Variants in HACE1 observed in about 807,000 individuals in gnomAD.
The protein encoded by HACE1 is E3 ubiquitin-protein ligase HACE1.
Under a neutral mutation model 118.4 loss-of-function variants are expected in HACE1, and 73 were observed. The ratio of observed to expected loss-of-function variants is 0.62; its 90% confidence interval spans 0.51 to 0.75. HACE1 has a LOEUF of 0.75. Among genes scored for constraint, HACE1 ranks in the 30% least tolerant of loss-of-function variants. The pLI, the probability that HACE1 is intolerant of heterozygous loss-of-function variation, is 0.00. For synonymous variants in HACE1, 368 were observed against 374.8 expected, an observed-to-expected ratio of 0.98 and a Z score of 0.21; for missense variants, 749 against 1,102.2, an observed-to-expected ratio of 0.68 and a Z score of 4.54.
chr6:104,791,418 T>G, intron 11 of HACE1, 86 bp downstream of exon 11: 123 of 1,224,888 alleles, frequency 1.0e-4, no homozygotes, highest in Non-Finnish European at 1.3e-4. Context: ...AACCTGTTCA[T>G]GAGCTTTCTG....
intron 10 of HACE1, among the ~76,000 whole-genome samples, chr6:104,794,705 A>T (rs751534476): frequency 6.6e-6 from 1 of 152,196 alleles, no homozygotes; most frequent in Non-Finnish European, 1.5e-5. Context: ...GGAGTTCAAG[A>T]CCAGCCTGGG....
intron 16 of HACE1, 88 bp downstream of exon 16, chr6:104,776,921 CCTTT>C (rs1331697219): frequency 9.4e-6 from 12 of 1,273,594 alleles, no homozygotes; most frequent in Admixed American, 6.9e-5. Flanking sequence ...AAAGTTTCTT[CCTTT>C]ATCAACTAAA....
intron 14 of HACE1, among the ~76,000 whole-genome samples, chr6:104,779,009 C>G (rs973057722): frequency 2.0e-5 from 3 of 152,048 alleles, no homozygotes; most frequent in Non-Finnish European, 4.4e-5. Context: ...AGATACTGGA[C>G]AGTGATGCAG....
rs1409145637 is a variant in HACE1 at position 104,728,375 on chromosome 6, A to C, written c.*1287T>G. The C allele has an allele frequency of 6.6e-6, 1 of 152,190 alleles. No homozygotes were observed. Among genetic ancestry groups the C allele is most frequent in the Non-Finnish European group, 1.5e-5 (1 of 68,014 alleles). 9.4% of individuals were successfully genotyped at this position (152,190 alleles called of 1,614,324 possible). ...ATTTTAGAGCTAATGGTAACTTTTA[A>C]ATAATTCCTAAATTTCATGTAATCT... On this transcript the variant is annotated 3_prime_UTR_variant, in exon 24 of 24. Transcript: ENST00000262903.
At chr6:104,858,588 C>A in intron 1 of HACE1, 1 of 286,116 alleles carries the variant, frequency 3.5e-6, no homozygotes, top group South Asian at 3.0e-5. Flanking sequence ...ACATTTCTTT[C>A]ATGACCGTCT....
Position 104,849,240 on chromosome 6 carries a change from T to A in HACE1, c.228A>T (p.Gly76=). The change falls in exon 4 of 24, where the codon GGA becomes GGT. Residue 76 remains glycine (G), a synonymous_variant. Transcript: ENST00000262903. ...RSLLHIAANC[G]SVECLVLLLK... is the part of the protein sequence containing the mutation. ...ACAGCAAAACCAAGCATTCCACCGA[T>A]CCACAACTAAAACAATATTAAAAGA... The A allele has an allele frequency of 6.3e-7, 1 of 1,576,590 alleles. No individual in the cohort carries two copies. Among genetic ancestry groups the A allele is most frequent in the Non-Finnish European group, 8.7e-7 (1 of 1,145,896 alleles).
At chr6:104,783,212 T>C (rs1781928556) in intron 14 of HACE1, among the ~76,000 whole-genome samples, 1 of 152,190 alleles carries the variant, frequency 6.6e-6, no homozygotes, top group Non-Finnish European at 1.5e-5. Context: ...TTTCAAGCTT[T>C]CTCAAGGTAA....
At chr6:104,822,523 G>A (rs1470108150) in intron 6 of HACE1, among the ~76,000 whole-genome samples, 10 of 151,632 alleles carry the variant, frequency 6.6e-5, no homozygotes, top group South Asian at 2.1e-4. Context: ...ACTACGCTCC[G>A]GCCGGTTCAA....
intron 22 of HACE1, among the ~76,000 whole-genome samples, chr6:104,741,372 C>A (rs2114482866): frequency 6.6e-6 from 1 of 151,038 alleles, no homozygotes; most frequent in South Asian, 2.1e-4. Flanking sequence ...GTCAAATTGT[C>A]CCTGTTTGCA....
Position 104,791,495 on chromosome 6 carries a change from T to C in HACE1, c.1074+9A>G, listed in dbSNP as rs778503101. On this transcript the variant is annotated intron_variant, in intron 11 of 23. Coordinates refer to ENST00000262903, the MANE Select transcript of HACE1 (RefSeq NM_020771.4). ...CTATCTTCCTAACAATGCCATATAC[T>C]TTTCTCACCTTGAACACCTGGCTTC... 3.7e-6 allele frequency: 6 copies of C among 1,607,862 alleles called. No homozygotes were observed. The highest frequency in any genetic ancestry group is 3.4e-6 in the Non-Finnish European group (4 of 1,174,440).
chr6:104,737,751 AG>A (rs1776079764), intron 22 of HACE1, among the ~76,000 whole-genome samples: 1 of 151,956 alleles, frequency 6.6e-6, no homozygotes, highest in Non-Finnish European at 1.5e-5. Context: ...AGGCTGGGGG[AG>A]GGGCGCCCGC....
At chr6:104,752,785 C>A (rs1398396352) in intron 19 of HACE1, among the ~76,000 whole-genome samples, 1 of 151,234 alleles carries the variant, frequency 6.6e-6, no homozygotes, top group African/African-American at 2.4e-5. Context: ...CACACTTTTC[C>A]TTCCATTTAT....
At chr6:104,788,254 T>C (rs1251250111) in intron 11 of HACE1, among the ~76,000 whole-genome samples, 1 of 152,146 alleles carries the variant, frequency 6.6e-6, no homozygotes, top group Non-Finnish European at 1.5e-5. Context: ...AGTTAATTAC[T>C]ACTGAAAATA....
At chr6:104,833,855 C>T (rs959631786) in intron 5 of HACE1, among the ~76,000 whole-genome samples, 1 of 151,938 alleles carries the variant, frequency 6.6e-6, no homozygotes, top group Non-Finnish European at 1.5e-5. Flanking sequence ...CGTGGTGGTG[C>T]GTGCCTGTAA....
intron 6 of HACE1, among the ~76,000 whole-genome samples, chr6:104,828,687 C>A (rs987457723): frequency 6.6e-6 from 1 of 152,008 alleles, no homozygotes; most frequent in Non-Finnish European, 1.5e-5. Flanking sequence ...CCACTTCCTT[C>A]CAAGAGGAAA....
intron 17 of HACE1, 112 bp from the exon 18 acceptor site, chr6:104,772,186 A>C: frequency 4.6e-6 from 3 of 651,642 alleles, no homozygotes; most frequent in Non-Finnish European, 8.1e-6. Context: ...CTAAGGTTAC[A>C]TTATGTATAA....
At chr6:104,734,344 C>T (rs1282815922) in intron 22 of HACE1, among the ~76,000 whole-genome samples, 3 of 151,932 alleles carry the variant, frequency 2.0e-5, no homozygotes, top group Admixed American at 6.6e-5. Flanking sequence ...CTAAATTATA[C>T]TACAGACCTG....
intron 10 of HACE1, among the ~76,000 whole-genome samples, chr6:104,794,089 T>C (rs964140475): frequency 6.6e-6 from 1 of 152,204 alleles, no homozygotes; most frequent in Non-Finnish European, 1.5e-5. Context: ...AGGATATAAA[T>C]CCAGGTTTAT....
intron 20 of HACE1, among the ~76,000 whole-genome samples, chr6:104,745,464 T>TTTTTTTTTTTTG (rs1554221272): frequency 6.6e-6 from 1 of 150,650 alleles, no homozygotes; most frequent in Non-Finnish European, 1.5e-5. Flanking sequence ...CCTTTTTTTT[T>TTTTTTTTTTTTG]GAGACCGAGT....
Sources: allele counts gnomAD v4.1 joint callset (sites outside exome capture counted in the v4.1 genomes callset), GRCh38; gene constraint gnomAD v4.1.1; transcripts MANE v1.5; gene names NCBI Gene and HGNC (gene_info 2026-07-23, HGNC 2026-07-21).